The following ADAMTSL1 variants were observed in gnomAD, a reference collection of about 807,000 sequenced individuals.
ADAMTSL1 encodes the protein ADAMTS-like protein 1.
ADAMTSL1 carries 126 observed loss-of-function variants against 201.8 expected under a neutral mutation model. That is an observed-to-expected ratio of 0.62 (90% confidence interval 0.54 to 0.72). The LOEUF is 0.72. ADAMTSL1 is among the 30% of genes least tolerant of loss of function. The probability of loss-of-function intolerance (pLI) is 0.00; values close to 1 mark genes in which losing one functional copy is unlikely to be tolerated. For synonymous variants in ADAMTSL1, 1,121 were observed against 903.4 expected (o/e 1.24, Z -4.32); for missense variants, 2,679 against 2,277.8 (o/e 1.18, Z -3.59).
At chr9:18,366,981 G>A (rs542543878) in intron 2 of ADAMTSL1, among the ~76,000 whole-genome samples, 132 of 152,244 alleles carry the variant, frequency 8.7e-4, no homozygotes, top group African/African-American at 3.1e-3. Flanking sequence ...TCTCATTAAA[G>A]TGCATTCTCA....
Position 18,347,360 on chromosome 9 carries a change from A to C in ADAMTSL1, c.208-157469A>C, listed in dbSNP as rs186820257. ...TATTGAAAACTGGGATGAGAATTCC[A>C]GGGCATTTTACTGGGACCACCAAGA... On this transcript the variant is annotated intron_variant, in intron 2 of 29. Coordinates refer to the ADAMTSL1 transcript ENST00000680146. 1.4e-3 allele frequency among the ~76,000 whole-genome samples: 219 copies of C among 151,992 alleles called. 1 individual carries two copies. The highest frequency in any genetic ancestry group is 3.4e-3 in the Middle Eastern group (1 of 294).
intron 3 of ADAMTSL1, among the ~76,000 whole-genome samples, chr9:18,540,062 T>G (rs1006060239): frequency 6.6e-6 from 1 of 152,096 alleles, no homozygotes; most frequent in Non-Finnish European, 1.5e-5. Context: ...GAGCTGAGCT[T>G]TAAAAGATGA....
At chr9:18,417,044 A>T (rs1029649639) in intron 2 of ADAMTSL1, among the ~76,000 whole-genome samples, 2 of 152,074 alleles carry the variant, frequency 1.3e-5, no homozygotes, top group African/African-American at 4.8e-5. Flanking sequence ...CAATAAATGT[A>T]AAAAGATCCA....
chr9:18,251,731 T>C (rs1831471857), intron 2 of ADAMTSL1, among the ~76,000 whole-genome samples: 1 of 152,174 alleles, frequency 6.6e-6, no homozygotes, highest in Non-Finnish European at 1.5e-5. Flanking sequence ...TCTATAACCC[T>C]ACTACAAACC....
At chr9:18,397,710 A>C (rs1176869770) in intron 2 of ADAMTSL1, among the ~76,000 whole-genome samples, 1 of 152,228 alleles carries the variant, frequency 6.6e-6, no homozygotes, top group African/African-American at 2.4e-5. Flanking sequence ...GATGAAATAC[A>C]TTGAAAAAGG....
chr9:18,827,162 TAA>T (rs5896812), intron 22 of ADAMTSL1, among the ~76,000 whole-genome samples: 2 of 143,112 alleles, frequency 1.4e-5, no homozygotes, highest in Admixed American at 6.9e-5. Context: ...GAGATAAAGT[TAA>T]AAAAAAAAAA....
rs531091113 is a variant in ADAMTSL1 at position 18,868,261 on chromosome 9, G to A, written c.4250-19570G>A. Reference sequence around the variant, plus strand: ...TTTAACACTCTGTTTTAAGATCCTTGTCTACCAATTCCATCATCCTTGTCG... The same window carrying A: ...TTTAACACTCTGTTTTAAGATCCTTATCTACCAATTCCATCATCCTTGTCG... On this transcript the variant is annotated intron_variant, in intron 23 of 28. Coordinates refer to ENST00000380548, the MANE Select transcript of ADAMTSL1 (RefSeq NM_001040272.6). Among the ~76,000 whole-genome samples the A allele has an allele frequency of 1.1e-4, 16 of 152,020 alleles. No individual in the cohort carries two copies. The South Asian group carries it at 3.1e-3, about 30-fold the overall frequency.
chr9:18,776,847 C>T lies in ADAMTSL1; in HGVS notation c.2618C>T (p.Thr873Ile). ...GCCGCCAGGAAGGTCTACATACAGA[C>T]TCGCAGGCAGAGGAAGCTGCACTTC... ...IAAARKVYIQ[T>I]RRQRKLHFVV... Residue 873 changes from threonine to isoleucine, a missense_variant, in exon 19 of 29, where the codon ACT becomes ATT. Coordinates refer to ENST00000380548, the MANE Select transcript of ADAMTSL1 (RefSeq NM_001040272.6). 6.2e-7 allele frequency: 1 copy of T among 1,603,170 alleles called. No individual in the cohort carries two copies. Among genetic ancestry groups the T allele is most frequent in the Non-Finnish European group, 8.5e-7 (1 of 1,175,318 alleles).
chr9:18,252,108 AAGAAG>A (rs1324941998), intron 2 of ADAMTSL1, among the ~76,000 whole-genome samples: 3 of 152,156 alleles, frequency 2.0e-5, no homozygotes, highest in African/African-American at 7.2e-5. Context: ...ATAGTATAAA[AAGAAG>A]AAAGAAAAAT....
chr9:18,089,904 A>C (rs1327223931), intron 1 of ADAMTSL1, among the ~76,000 whole-genome samples: 1 of 151,662 alleles, frequency 6.6e-6, no homozygotes, highest in African/African-American at 2.4e-5. Flanking sequence ...AGATCTGTTA[A>C]AAGAGTAGAG....
At chr9:18,095,235 C>G (rs901983555) in intron 1 of ADAMTSL1, among the ~76,000 whole-genome samples, 1 of 151,968 alleles carries the variant, frequency 6.6e-6, no homozygotes, top group Admixed American at 6.6e-5. Context: ...AGAAAGGGCT[C>G]ACAGCCAATA....
chr9:18,080,017 A>G (rs1177282972), intron 1 of ADAMTSL1, among the ~76,000 whole-genome samples: 1 of 152,192 alleles, frequency 6.6e-6, no homozygotes, highest in Non-Finnish European at 1.5e-5. Flanking sequence ...AATGGTGGTT[A>G]GACTAGATTG....
At chr9:18,444,969 A>T (rs762513679) in intron 2 of ADAMTSL1, among the ~76,000 whole-genome samples, 2 of 152,150 alleles carry the variant, frequency 1.3e-5, no homozygotes, top group Admixed American at 6.5e-5. Context: ...CACAGGTGAG[A>T]AAACTGAAAG....
At position 18,238,759 on chromosome 9, in the gene ADAMTSL1, T is replaced by G. The variant is rs147468340; in HGVS notation, c.207+74778T>G. Among the ~76,000 whole-genome samples the G allele has an allele frequency of 2.2e-4, 33 of 152,354 alleles. No individual in the cohort carries two copies. In the East Asian group the frequency reaches 6.4e-3, roughly 29 times the overall value. On this transcript the variant is annotated intron_variant, in intron 2 of 29. Coordinates refer to the ADAMTSL1 transcript ENST00000680146. ...GGATACAAAGTGATGTTATGATTTA[T>G]GAATCTAATGTGGAATAATTAAATC...
intron 2 of ADAMTSL1, among the ~76,000 whole-genome samples, chr9:18,311,401 T>G (rs1269417455): frequency 6.6e-6 from 1 of 152,122 alleles, no homozygotes; most frequent in East Asian, 1.9e-4. Context: ...CACTGTCATC[T>G]CCTGCTGAAG....
intron 9 of ADAMTSL1, among the ~76,000 whole-genome samples, chr9:18,663,276 A>G (rs780913702): frequency 1.3e-5 from 2 of 152,184 alleles, no homozygotes; most frequent in African/African-American, 2.4e-5. Flanking sequence ...AAGTGAACTC[A>G]GAATAACAGG....
At chr9:18,566,073 A>T (rs1159842592) in intron 3 of ADAMTSL1, among the ~76,000 whole-genome samples, 1 of 152,226 alleles carries the variant, frequency 6.6e-6, no homozygotes, top group Non-Finnish European at 1.5e-5. Flanking sequence ...TTCAGAAACT[A>T]GGCAAGACTC....
chr9:18,067,195 C>G (rs931727580), intron 1 of ADAMTSL1, among the ~76,000 whole-genome samples: 2 of 152,144 alleles, frequency 1.3e-5, no homozygotes, highest in African/African-American at 4.8e-5. Flanking sequence ...AATCCCAGCT[C>G]TACTATTTAC....
At chr9:18,249,838 C>A (rs1563834667) in intron 2 of ADAMTSL1, among the ~76,000 whole-genome samples, 1 of 152,094 alleles carries the variant, frequency 6.6e-6, no homozygotes, top group Non-Finnish European at 1.5e-5. Flanking sequence ...GAGAGGTTGG[C>A]CTGGACTGTT....
Sources: allele counts gnomAD v4.1 joint callset (sites outside exome capture counted in the v4.1 genomes callset), GRCh38; gene constraint gnomAD v4.1.1; transcripts MANE v1.5; gene names NCBI Gene and HGNC (gene_info 2026-07-23, HGNC 2026-07-21).